The following REPIN1 variants were observed in gnomAD, a reference collection of about 807,000 sequenced individuals.
REPIN1 encodes replication initiator 1.
Under a neutral mutation model 5.7 loss-of-function variants are expected in REPIN1, and 4 were observed. The ratio of observed to expected loss-of-function variants is 0.71; its 90% CI spans 0.35 to 1.62. The LOEUF is 1.62. REPIN1 is among the 40% of genes most tolerant of loss of function. REPIN1 has a pLI of 0.05. For synonymous variants in REPIN1, 410 were observed against 386.2 expected, an observed-to-expected ratio of 1.06 and a Z score of -0.72; for missense variants, 854 against 901.0, an observed-to-expected ratio of 0.95 and a Z score of 0.67.
intron 2 of REPIN1, chr7:150,371,021 A>G (rs2129619967): frequency 3.0e-6 from 2 of 674,090 alleles, no homozygotes; most frequent in South Asian, 3.8e-5. Context: ...CAACAAAGAC[A>G]TAAGACAAAC....
chr7:150,371,264 GC>G lies in REPIN1; in HGVS notation c.199del (p.Leu67TrpfsTer29). 1.3e-6 allele frequency: 2 copies of G among 1,599,242 alleles called. No homozygotes were observed. The highest frequency in any genetic ancestry group is 8.5e-7 in the Non-Finnish European group (1 of 1,172,950). The stretch of plus-strand genomic sequence containing the variant: ...CCGATGCTGGAACGTCGTTGCAGGG[GC>G]CCCCTGGCCATGGGCCTGGCCCAGC... Reference protein sequence around the residue: ...EEPMLERRCRGPLAMGLAQPR... With the variant: ...EEPMLERRCRXPLAMGLAQPR... On this transcript the variant is annotated frameshift_variant, in exon 3 of 3. Transcript: ENST00000489432. LOFTEE classifies it low-confidence loss of function (END_TRUNC).
Position 150,371,353 on chromosome 7 carries a change from C to A in REPIN1, c.283C>A (p.Leu95Met), listed in dbSNP as rs1428503091. ...PQTLGKESRG[L>M]RQQGTSVAQS... ...GACCCTGGGGAAGGAGTCCCGCGGG[C>A]TGAGGCAACAAGGCACGTCAGTGGC... The change falls in exon 3 of 3, where the codon CTG (leucine) becomes ATG (methionine). Residue 95 changes from leucine (L) to methionine (M), a missense_variant. Physicochemically the swap from Leu to Met is conservative, Grantham distance 15 (BLOSUM62 2). Transcript: ENST00000489432. 1 of 1,589,912 alleles carries A rather than the reference C, an allele frequency of 6.3e-7. No individual in the cohort carries two copies. The highest frequency in any genetic ancestry group is 8.6e-7 in the Non-Finnish European group (1 of 1,169,290).
In REPIN1 at chr7:150,371,703, C is replaced by T. The variant is rs1254748035; in HGVS notation, c.633C>T (p.Phe211=). 1 of 1,606,984 alleles carries T rather than the reference C, an allele frequency of 6.2e-7. No individual in the cohort carries two copies. The highest frequency in any genetic ancestry group is 1.3e-5 in the African/African-American group (1 of 75,070). ...PIACPKCERR[F]WRRKQLRAHL... ...CTTGTCCCAAATGCGAGAGACGCTT[C>T]TGGCGACGAAAGCAGCTTCGAGCTC... Residue 211 remains phenylalanine, a synonymous_variant, in exon 3 of 3, where the codon TTC becomes TTT. Coordinates refer to ENST00000489432, the MANE Select transcript of REPIN1 (RefSeq NM_001099695.2).
At position 150,371,640 on chromosome 7, in the gene REPIN1, G is replaced by C; in HGVS notation, c.570G>C (p.Leu190=). 1.2e-6 allele frequency: 2 copies of C among 1,604,886 alleles called. No individual in the cohort carries two copies. Among genetic ancestry groups the C allele is most frequent in the Non-Finnish European group, 1.7e-6 (2 of 1,179,202 alleles). Residue 190 remains leucine, a synonymous_variant, in exon 3 of 3, where the codon CTG becomes CTC. Transcript: ENST00000489432. ...QSFRGWVALV[L]HLRAHSAAKR... ...TCCGAGGCTGGGTGGCCCTGGTTCTGCATCTGCGGGCCCATTCAGCTGCAA... is the reference window on the plus strand; with the variant it reads ...TCCGAGGCTGGGTGGCCCTGGTTCTCCATCTGCGGGCCCATTCAGCTGCAA...
At position 150,372,667 on chromosome 7, in the gene REPIN1, G is replaced by T. The variant is rs878910476; in HGVS notation, c.1597G>T (p.Ala533Ser). 1 of 1,611,504 alleles carries T rather than the reference G, an allele frequency of 6.2e-7. No individual in the cohort carries two copies. The highest frequency in any genetic ancestry group is 1.1e-5 in the South Asian group (1 of 91,032). ...KAFRHKPYLA[A>S]HRRIHTGEKP... The stretch of plus-strand genomic sequence containing the variant: ...CTTCCGCCACAAACCCTACCTGGCG[G>T]CGCACCGGCGCATCCACACCGGCGA... Residue 533 changes from alanine to serine, a missense_variant, in exon 3 of 3, where the codon GCG becomes TCG. Ala to Ser is a moderately conservative substitution (Grantham distance 99, BLOSUM62 1). Around this residue, in one of 5 missense-constraint regions of REPIN1, gnomAD observed 5 missense variants for 20.2 expected, o/e 0.25. Transcript: ENST00000489432.
At chr7:150,370,978 A>G (rs774062776) in intron 2 of REPIN1, 36 of 641,328 alleles carry the variant, frequency 5.6e-5, no homozygotes, top group Non-Finnish European at 9.2e-5. Flanking sequence ...GGATTCTAGT[A>G]TCAGAGTCCC....
chr7:150,368,276 T>C (rs937893312), upstream of REPIN1: 2 of 152,212 alleles, frequency 1.3e-5, no homozygotes, highest in Non-Finnish European at 2.9e-5. Context: ...TCGGGCCTTT[T>C]TGTGCTCCAC....
At position 150,372,092 on chromosome 7, in the gene REPIN1, G is replaced by A. The variant is rs752920235; in HGVS notation, c.1022G>A (p.Arg341His). ...AAGCCCTATCTGACTTCGCACCGGC[G>A]CATCCACACCGGCGAGAAGCCCTAC... is the stretch of plus-strand genomic sequence containing the variant. ...TNKPYLTSHR[R>H]IHTGEKPYPC... The change falls in exon 3 of 3, where the codon CGC becomes CAC. Residue 341 changes from arginine to histidine, a missense_variant. Arg to His is a conservative substitution (Grantham distance 29). Transcript: ENST00000489432. The A allele has an allele frequency of 1.9e-6, 3 of 1,612,318 alleles. No individual in the cohort carries two copies. The highest frequency in any genetic ancestry group is 2.2e-5 in the East Asian group (1 of 44,832).
At chr7:150,368,736 G>T (rs1385462374), upstream of REPIN1, 1 of 261,064 alleles carries the variant, frequency 3.8e-6, no homozygotes, top group African/African-American at 2.3e-5. Context: ...GGCCGCGGCC[G>T]CGGGAGCCGG....
chr7:150,373,221 T>C lies in REPIN1; in HGVS notation c.*276T>C. 1 of 522,992 alleles carries C rather than the reference T, an allele frequency of 1.9e-6. No homozygotes were observed. The highest frequency in any genetic ancestry group is 1.9e-5 in the African/African-American group (1 of 52,266). The allele number at this position is 522,992 out of a possible 1,614,324, so 32.4% of individuals were successfully genotyped here. On this transcript the variant is annotated 3_prime_UTR_variant, in exon 3 of 3. Coordinates refer to ENST00000489432, the MANE Select transcript of REPIN1 (RefSeq NM_001099695.2). ...GCCCTGTGCCCTGGAAAAGCAGCAATAGCATCCGCCCCTTAGAGCCCTCTG... is the reference window on the plus strand; with the variant it reads ...GCCCTGTGCCCTGGAAAAGCAGCAACAGCATCCGCCCCTTAGAGCCCTCTG...
chr7:150,372,622 T>C lies in REPIN1; in HGVS notation c.1552T>C (p.Cys518Arg). 6.2e-7 allele frequency: 1 copy of C among 1,610,196 alleles called. No individual in the cohort carries two copies. The highest frequency in any genetic ancestry group is 1.3e-5 in the African/African-American group (1 of 75,022). Residue 518 changes from cysteine to arginine, a missense_variant, in exon 3 of 3, where the codon TGT becomes CGT. This residue lies in a region of REPIN1 where 327 missense variants were observed against 307.8 expected (regional missense o/e 1.06). Transcript: ENST00000489432. ...CCACGCCCCCGATCGGCCCTTCGTG[T>C]GTCCCGACTGCGGCAAGGCCTTCCG... The part of the protein sequence containing the change: ...RDHAPDRPFV[C>R]PDCGKAFRHK...
At position 150,372,303 on chromosome 7, in the gene REPIN1, G is replaced by A. The variant is rs1799895661; in HGVS notation, c.1233G>A (p.Glu411=). The change falls in exon 3 of 3, where the codon GAG becomes GAA. Residue 411 remains glutamate, a synonymous_variant. Transcript: ENST00000489432. ...TPAVPLKPAQ[E]PPPGAPPEHP... ...CGGTACCTCTGAAACCGGCCCAGGA[G>A]CCGCCGCCAGGGGCCCCGCCAGAGC... is the stretch of plus-strand genomic sequence containing the variant. The A allele has an allele frequency of 1.3e-6, 2 of 1,520,936 alleles. No homozygotes were observed. Among genetic ancestry groups the A allele is most frequent in the African/African-American group, 1.4e-5 (1 of 71,280 alleles). 94.2% of individuals were successfully genotyped at this position (1,520,936 alleles called of 1,614,324 possible).
Position 150,371,698 on chromosome 7 carries a change from C to G in REPIN1, c.628C>G (p.Arg210Gly). Residue 210 changes from arginine to glycine, a missense_variant, in exon 3 of 3, where the codon CGC becomes GGC. Around this residue, in one of 5 missense-constraint regions of REPIN1, gnomAD observed 409 missense variants for 418.6 expected, o/e 0.98. Coordinates refer to ENST00000489432, the MANE Select transcript of REPIN1 (RefSeq NM_001099695.2). ...RPIACPKCER[R>G]FWRRKQLRAH... Reference sequence around the variant, plus strand: ...CATCGCTTGTCCCAAATGCGAGAGACGCTTCTGGCGACGAAAGCAGCTTCG... The same window carrying G: ...CATCGCTTGTCCCAAATGCGAGAGAGGCTTCTGGCGACGAAAGCAGCTTCG... The G allele has an allele frequency of 6.2e-7, 1 of 1,606,530 alleles. No individual in the cohort carries two copies. The highest frequency in any genetic ancestry group is 8.5e-7 in the Non-Finnish European group (1 of 1,179,824).
chr7:150,369,527 G>A (rs1192243584), intron 1 of REPIN1, 144 bp from the exon 2 acceptor site: 2 of 689,012 alleles, frequency 2.9e-6, no homozygotes, highest in Non-Finnish European at 5.1e-6. Flanking sequence ...TGTCCATTAA[G>A]GTCACTCTGC....
chr7:150,372,264 C>T lies in REPIN1; in HGVS notation c.1194C>T (p.Ala398=), dbSNP rs1799884622. ...QLPAGPQESA[A]EPTPAVPLKP... ...CAGCCGGCCCCCAGGAGTCCGCGGC[C>T]GAGCCCACCCCGGCGGTACCTCTGA... Residue 398 remains alanine, a synonymous_variant, in exon 3 of 3, where the codon GCC becomes GCT. Transcript: ENST00000489432. 2.6e-6 allele frequency: 4 copies of T among 1,519,088 alleles called. No individual in the cohort carries two copies. The highest frequency in any genetic ancestry group is 1.8e-4 in the Middle Eastern group (1 of 5,602). The allele number at this position is 1,519,088 out of a possible 1,614,324, so 94.1% of individuals were successfully genotyped here.
intron 1 of REPIN1, 165 bp from the exon 2 acceptor site, chr7:150,369,506 T>A (rs1463571501): frequency 1.6e-6 from 1 of 622,430 alleles, no homozygotes; most frequent in Non-Finnish European, 2.9e-6. Context: ...CACATTCATT[T>A]ATTAATCCAA....
At chr7:150,369,475 T>C (rs1799284086) in intron 1 of REPIN1, 196 bp from the exon 2 acceptor site, 1 of 571,278 alleles carries the variant, frequency 1.8e-6, no homozygotes. Flanking sequence ...AAGACAGCAG[T>C]GTGCTTCCTT....
chr7:150,371,957 C>G lies in REPIN1; in HGVS notation c.887C>G (p.Ala296Gly). 6.2e-7 allele frequency: 1 copy of G among 1,609,852 alleles called. No homozygotes were observed. The highest frequency in any genetic ancestry group is 1.3e-5 in the African/African-American group (1 of 74,968). The change falls in exon 3 of 3, where the codon GCC (alanine) becomes GGC (glycine). Residue 296 changes from alanine to glycine, a missense_variant. Coordinates refer to ENST00000489432, the MANE Select transcript of REPIN1 (RefSeq NM_001099695.2). ...GDAVDRPFQC[A>G]CCGKRFRHKP... The stretch of plus-strand genomic sequence containing the variant: ...GCCGTCGACCGCCCCTTCCAGTGTG[C>G]CTGTTGTGGCAAGCGCTTCCGGCAC...
At chr7:150,368,775 A>C, upstream of REPIN1, 1 of 278,792 alleles carries the variant, frequency 3.6e-6, no homozygotes, top group African/African-American at 2.2e-5. Flanking sequence ...TCCTGTAGTC[A>C]CGTGGCGCTG....
Sources: allele counts gnomAD v4.1 joint callset, GRCh38; gene constraint gnomAD v4.1.1; regional missense constraint gnomAD v4.1.1; transcripts MANE v1.5; gene names NCBI Gene and HGNC (gene_info 2026-07-23, HGNC 2026-07-21).